ORC5: variants seen among roughly 807,000 people sequenced by gnomAD.
ORC5 encodes origin recognition complex subunit 5.
ORC5 carries 39 observed loss-of-function variants against 58.8 expected under a neutral mutation model. The observed-to-expected ratio is 0.66, with a 90% CI of 0.51 to 0.87. ORC5 has a LOEUF of 0.87. Among genes scored for constraint, ORC5 ranks in the 40% least tolerant of loss-of-function variants. ORC5 has a pLI of 0.00. For missense variants in ORC5, 493 were observed against 506.3 expected (o/e 0.97, Z 0.25); for synonymous variants, 218 against 177.6 (o/e 1.23, Z -1.81).
intron 12 of ORC5, among the ~76,000 whole-genome samples, chr7:104,140,882 T>A (rs755988485): frequency 6.6e-6 from 1 of 152,240 alleles, no homozygotes; most frequent in Non-Finnish European, 1.5e-5. Flanking sequence ...ATATTTACTA[T>A]GTATCCCTTT....
At chr7:104,166,106 G>T (rs912559473) in intron 10 of ORC5, among the ~76,000 whole-genome samples, 1 of 152,104 alleles carries the variant, frequency 6.6e-6, no homozygotes, top group South Asian at 2.1e-4. Flanking sequence ...ATAAATTGTT[G>T]TAAGTCCAAA....
intron 3 of ORC5, among the ~76,000 whole-genome samples, chr7:104,198,177 A>AATT (rs1388617822): frequency 6.6e-6 from 1 of 152,214 alleles, no homozygotes; most frequent in Non-Finnish European, 1.5e-5. Flanking sequence ...TGAGAAATAA[A>AATT]TGTCTTTTCT....
chr7:104,173,335 T>C (rs1799251672), intron 8 of ORC5, among the ~76,000 whole-genome samples: 1 of 152,234 alleles, frequency 6.6e-6, no homozygotes, highest in East Asian at 1.9e-4. Context: ...TTCCTGAATA[T>C]GCAGAGTTTA....
At chr7:104,180,405 T>C (rs12705187) in intron 8 of ORC5, among the ~76,000 whole-genome samples, 58,171 of 152,078 alleles carry the variant, frequency 0.38, 13,147 homozygotes, top group Non-Finnish European at 0.52. Flanking sequence ...AAAGGGTTAA[T>C]GTTTTTTAAA....
At chr7:104,152,190 C>T (rs1798857275) in intron 12 of ORC5, among the ~76,000 whole-genome samples, 2 of 151,994 alleles carry the variant, frequency 1.3e-5, no homozygotes, top group South Asian at 2.1e-4. Flanking sequence ...GCTCTGTCAC[C>T]CAGGCTGGAG....
chr7:104,131,452 C>G (rs2115730408), intron 13 of ORC5, among the ~76,000 whole-genome samples: 1 of 152,290 alleles, frequency 6.6e-6, no homozygotes, highest in South Asian at 2.1e-4. Flanking sequence ...GTATCATTAA[C>G]TCTCCTTCTC....
intron 5 of ORC5, among the ~76,000 whole-genome samples, chr7:104,191,320 G>GT (rs1314921812): frequency 6.6e-6 from 1 of 152,022 alleles, no homozygotes; most frequent in Admixed American, 6.6e-5. Flanking sequence ...CTGGATGGAT[G>GT]TAAGAAAAGA....
intron 3 of ORC5, 21 bp from the exon 4 acceptor site, chr7:104,197,820 AAAC>A: frequency 6.9e-7 from 1 of 1,444,226 alleles, no homozygotes; most frequent in Non-Finnish European, 9.5e-7. Flanking sequence ...CAAAAAAACA[AAAC>A]AAAAAGAAAT....
Position 104,197,614 on chromosome 7 carries a change from A to C in ORC5, c.441+111T>G, listed in dbSNP as rs1308742699. The stretch of plus-strand genomic sequence containing the variant: ...TTACTGATAAAAGAAATGCAAACTA[A>C]AATTATATTAAAATACTAATTCTCA... On this transcript the variant is annotated intron_variant, in intron 4 of 13. Transcript: ENST00000297431. 5 of 635,680 alleles carry C rather than the reference A, an allele frequency of 7.9e-6. No homozygotes were observed. In the African/African-American group the frequency reaches 9.6e-5, roughly 12 times the overall value. 39.4% of individuals were successfully genotyped at this position (635,680 alleles called of 1,614,324 possible).
chr7:104,200,025 G>C (rs1208517313), intron 3 of ORC5, among the ~76,000 whole-genome samples: 1 of 152,134 alleles, frequency 6.6e-6, no homozygotes, highest in Non-Finnish European at 1.5e-5. Context: ...TGTGAAGCAG[G>C]TGCCTTGCTT....
chr7:104,127,510 T>G (rs1798448029), intron 13 of ORC5, among the ~76,000 whole-genome samples: 1 of 151,432 alleles, frequency 6.6e-6, no homozygotes, highest in African/African-American at 2.4e-5. Context: ...ATTATTCTCC[T>G]TTCACAAAAC....
intron 5 of ORC5, among the ~76,000 whole-genome samples, chr7:104,191,884 T>G (rs1799684706): frequency 6.6e-6 from 1 of 152,130 alleles, no homozygotes; most frequent in African/African-American, 2.4e-5. Flanking sequence ...GAGAGAGACT[T>G]CTGCTTCCAG....
In ORC5 at chr7:104,204,134, A is replaced by C. The variant is rs749251534; in HGVS notation, c.165+8T>G. On this transcript the variant is annotated splice_region_variant and intron_variant, in intron 2 of 13. Coordinates refer to ENST00000297431, the MANE Select transcript of ORC5 (RefSeq NM_002553.4). ...TGGCAAAGAAATATTTAATATTTTT[A>C]TTCTTACCTCTAAAGTTTTCAACAA... The C allele has an allele frequency of 2.1e-6, 3 of 1,441,270 alleles. No homozygotes were observed. The highest frequency in any genetic ancestry group is 2.9e-6 in the Non-Finnish European group (3 of 1,039,476). The allele number at this position is 1,441,270 out of a possible 1,614,324, so 89.3% of individuals were successfully genotyped here.
chr7:104,159,834 C>A (rs779202574), intron 12 of ORC5, among the ~76,000 whole-genome samples: 23 of 152,112 alleles, frequency 1.5e-4, no homozygotes, highest in Non-Finnish European at 2.8e-4. Flanking sequence ...AAAATACCTG[C>A]TAATCTAGAG....
chr7:104,153,777 T>G (rs888324798), intron 12 of ORC5, among the ~76,000 whole-genome samples: 5 of 152,286 alleles, frequency 3.3e-5, no homozygotes, highest in Middle Eastern at 6.8e-3. Flanking sequence ...TCAATTTATA[T>G]AAATATCTTA....
chr7:104,185,002 T>C (rs1201250540), intron 6 of ORC5, among the ~76,000 whole-genome samples: 3 of 152,058 alleles, frequency 2.0e-5, no homozygotes, highest in African/African-American at 4.8e-5. Context: ...AACCTCAGGA[T>C]GTCATAAAAA....
intron 8 of ORC5, among the ~76,000 whole-genome samples, chr7:104,180,815 A>T (rs1362632488): frequency 6.6e-6 from 1 of 152,216 alleles, no homozygotes; most frequent in Non-Finnish European, 1.5e-5. Flanking sequence ...TCATCAAGTC[A>T]TAATTGTGGT....
intron 13 of ORC5, among the ~76,000 whole-genome samples, chr7:104,134,416 C>CA (rs1170848776): frequency 0.055 from 2,853 of 51,728 alleles, 200 homozygotes; most frequent in Middle Eastern, 0.13. Flanking sequence ...CACTCCATCT[C>CA]AAAAAAAAAA....
intron 12 of ORC5, among the ~76,000 whole-genome samples, chr7:104,139,564 A>G (rs1798641073): frequency 6.6e-6 from 1 of 152,126 alleles, no homozygotes; most frequent in Non-Finnish European, 1.5e-5. Context: ...AGAGTATCTT[A>G]TGTAGAGAAA....
Sources: allele counts gnomAD v4.1 joint callset (sites outside exome capture counted in the v4.1 genomes callset), GRCh38; gene constraint gnomAD v4.1.1; transcripts MANE v1.5; gene names NCBI Gene and HGNC (gene_info 2026-07-23, HGNC 2026-07-21).